The following CEP57 variants were observed in gnomAD, a reference collection of about 807,000 sequenced individuals.
CEP57 encodes centrosomal protein of 57 kDa.
Under a neutral mutation model 68.0 loss-of-function variants are expected in CEP57, and 40 were observed. The ratio of observed to expected loss-of-function variants is 0.59; its 90% CI spans 0.46 to 0.77. The LOEUF (loss-of-function observed/expected upper bound fraction) is 0.77, where lower values mean the gene tolerates loss of function less well. Ranked by LOEUF, CEP57 falls within the 30% of genes least tolerant of loss-of-function variation. CEP57 has a pLI of 0.00. For synonymous variants in CEP57, 219 were observed against 198.7 expected (o/e 1.10, Z -0.86); for missense variants, 606 against 580.7 (o/e 1.04, Z -0.45).
At chr11:95,790,441 A>AGAAAGACGTCTGCTGTTTTGATTGGCTAG, upstream of CEP57, 6 of 576,546 alleles carry the variant, frequency 1.0e-5, no homozygotes, top group Non-Finnish European at 1.9e-5. Context: ...CTCCTACTAC[A>AGAAAGACGTCTGCTGTTTTGATTGGCTAG]GAAAGACGTC....
intron 2 of CEP57, among the ~76,000 whole-genome samples, chr11:95,804,363 A>G (rs920351568): frequency 2.0e-5 from 3 of 152,224 alleles, no homozygotes; most frequent in Admixed American, 6.5e-5. Context: ...GACAGTAAGG[A>G]TGGAACTAAA....
chr11:95,824,741 G>C (rs891307906), intron 8 of CEP57, among the ~76,000 whole-genome samples: 1 of 152,194 alleles, frequency 6.6e-6, no homozygotes, highest in African/African-American at 2.4e-5. Context: ...TAAGGAAAGA[G>C]GAGACGGGCT....
chr11:95,817,150 G>A (rs142123332), intron 4 of CEP57, among the ~76,000 whole-genome samples: 2,591 of 151,498 alleles, frequency 0.017, 38 homozygotes, highest in South Asian at 0.065. Flanking sequence ...GGTGGCTTAC[G>A]GGGTCAGGAG....
Position 95,790,531 on chromosome 11 carries a change from G to A in CEP57, c.-168G>A, listed in dbSNP as rs1202238397. The A allele has an allele frequency of 1.4e-6, 1 of 719,170 alleles. No homozygotes were observed. Among genetic ancestry groups the A allele is most frequent in the South Asian group, 1.7e-5 (1 of 59,906 alleles). 44.5% of individuals were successfully genotyped at this position (719,170 alleles called of 1,614,324 possible). A position where few individuals can be genotyped will look rare whatever the true frequency, so the allele number is the denominator to read the frequency against. On this transcript the variant is annotated 5_prime_UTR_variant, in exon 1 of 11. Transcript: ENST00000325542. ...GTAAGCTGTGAGCGTAGGCGGCCCT[G>A]AGGGGGTGTGTTGCAGGGGTTTCCA...
At chr11:95,824,723 C>T (rs1455790948) in intron 8 of CEP57, among the ~76,000 whole-genome samples, 1 of 152,100 alleles carries the variant, frequency 6.6e-6, no homozygotes, top group African/African-American at 2.4e-5. Flanking sequence ...CAAGTCAGCA[C>T]CAGGATTTAA....
Position 95,829,209 on chromosome 11 carries a change from C to T in CEP57, c.1150C>T (p.Leu384Phe). The change falls in exon 10 of 11, where the codon CTT becomes TTT. Residue 384 changes from leucine to phenylalanine, a missense_variant. Physicochemically the swap from Leu to Phe is conservative, Grantham distance 22 (BLOSUM62 0). Transcript: ENST00000325542. ...TAGTGATCACCAGCAGCTTGCAAAA[C>T]TTATCCAGGAGTCGCCAACCGTTGA... ...MSFDHQQLAK[L>F]IQESPTVELK... 3 of 1,613,936 alleles carry T rather than the reference C, an allele frequency of 1.9e-6. No homozygotes were observed. The highest frequency in any genetic ancestry group is 1.3e-5 in the African/African-American group (1 of 75,002).
At chr11:95,824,550 A>C (rs965607737) in intron 8 of CEP57, among the ~76,000 whole-genome samples, 2 of 152,174 alleles carry the variant, frequency 1.3e-5, no homozygotes, top group African/African-American at 2.4e-5. Context: ...AAGATAGGAG[A>C]AGCAGCTTCT....
intron 7 of CEP57, 32 bp downstream of exon 7, chr11:95,822,010 C>G: frequency 1.4e-6 from 2 of 1,426,882 alleles, no homozygotes; most frequent in Non-Finnish European, 2.0e-6. Context: ...AGGCAAAATG[C>G]TGATTACTTG....
chr11:95,812,496 T>C (rs1169328240), intron 2 of CEP57, among the ~76,000 whole-genome samples: 1 of 152,088 alleles, frequency 6.6e-6, no homozygotes, highest in Non-Finnish European at 1.5e-5. Context: ...CGATCTCAGC[T>C]CACTGCAACC....
At chr11:95,810,459 C>T (rs1053451472) in intron 2 of CEP57, among the ~76,000 whole-genome samples, 4 of 152,210 alleles carry the variant, frequency 2.6e-5, no homozygotes, top group African/African-American at 9.7e-5. Context: ...ACCCTATCGT[C>T]TCAGCCCAAA....
chr11:95,809,945 T>C (rs1861979203), intron 2 of CEP57, among the ~76,000 whole-genome samples: 1 of 151,814 alleles, frequency 6.6e-6, no homozygotes, highest in South Asian at 2.1e-4. Context: ...GATGCAAAAA[T>C]CCTCAATAAA....
chr11:95,809,870 T>TA (rs1356982022), intron 2 of CEP57, among the ~76,000 whole-genome samples: 1 of 152,194 alleles, frequency 6.6e-6, no homozygotes, highest in Non-Finnish European at 1.5e-5. Flanking sequence ...ATCATCCTGA[T>TA]ACCAAAGCCT....
At chr11:95,790,116 C>G (rs1565303187), upstream of CEP57, 1 of 165,904 alleles carries the variant, frequency 6.0e-6, no homozygotes, top group Non-Finnish European at 1.3e-5. Flanking sequence ...TAAGTCCCTC[C>G]TAATCCTATT....
chr11:95,795,654 T>C (rs1203665598), intron 1 of CEP57: 9 of 489,372 alleles, frequency 1.8e-5, no homozygotes, highest in Admixed American at 3.9e-5. Flanking sequence ...AAACTTCATA[T>C]TATCATAAGG....
intron 4 of CEP57, 129 bp downstream of exon 4, chr11:95,813,718 C>A: frequency 9.2e-7 from 1 of 1,083,102 alleles, no homozygotes; most frequent in Non-Finnish European, 1.3e-6. Context: ...TTCTTGGCAT[C>A]AGTTATGAAA....
At chr11:95,812,883 T>C (rs1202140973) in intron 2 of CEP57, 49 bp from the exon 3 acceptor site, 12 of 1,520,262 alleles carry the variant, frequency 7.9e-6, no homozygotes, top group Non-Finnish European at 1.1e-5. Context: ...TAATATACTT[T>C]CTCCGCATAT....
intron 2 of CEP57, among the ~76,000 whole-genome samples, chr11:95,801,450 C>CA (rs200265603): frequency 0.22 from 14,753 of 66,764 alleles, 1,486 homozygotes; most frequent in African/African-American, 0.38. Flanking sequence ...TTTTAAAAAG[C>CA]AAAAAAAAAA....
intron 6 of CEP57, among the ~76,000 whole-genome samples, chr11:95,821,064 G>T: frequency 6.6e-6 from 1 of 152,106 alleles, no homozygotes; most frequent in East Asian, 1.9e-4. Flanking sequence ...TTTAAAATAT[G>T]AATTTCCCCA....
At chr11:95,826,567 C>G (rs556101204) in intron 8 of CEP57, 1 of 151,500 alleles carries the variant, frequency 6.6e-6, no homozygotes, top group Non-Finnish European at 1.5e-5. Context: ...TATAACAAAC[C>G]TGCGCATGTA....
Sources: allele counts gnomAD v4.1 joint callset (sites outside exome capture counted in the v4.1 genomes callset), GRCh38; gene constraint gnomAD v4.1.1; transcripts MANE v1.5; gene names NCBI Gene and HGNC (gene_info 2026-07-23, HGNC 2026-07-21).